CABYR: variants seen among roughly 807,000 people sequenced by gnomAD.
The protein encoded by CABYR is calcium-binding tyrosine phosphorylation-regulated protein.
CABYR carries 31 observed loss-of-function variants against 36.1 expected under a neutral mutation model. The ratio of observed to expected loss-of-function variants is 0.86; its 90% CI spans 0.64 to 1.16. CABYR has a LOEUF of 1.16. CABYR is among the 50% of genes most tolerant of loss of function. The pLI, the probability that CABYR is intolerant of heterozygous loss-of-function variation, is 0.00. For missense variants in CABYR, 429 were observed against 455.8 expected (o/e 0.94, Z 0.53); for synonymous variants, 146 against 160.7 (o/e 0.91, Z 0.69).
intron 4 of CABYR, among the ~76,000 whole-genome samples, chr18:24,159,052 T>C (rs952288906): frequency 6.6e-6 from 1 of 152,234 alleles, no homozygotes; most frequent in Non-Finnish European, 1.5e-5. Flanking sequence ...TAGTGCTAAC[T>C]TCTTTAGGAA....
intron 1 of CABYR, among the ~76,000 whole-genome samples, 200 bp downstream of exon 1, chr18:24,139,318 G>A (rs1481106364): frequency 6.6e-6 from 1 of 152,174 alleles, no homozygotes; most frequent in Non-Finnish European, 1.5e-5. Context: ...GGCCTCGGTG[G>A]GTCCGTCGCC....
rs763913344 is a variant in CABYR at position 24,143,093 on chromosome 18, G to C, written c.-22G>C. ...CTAAGACTTTTTCTTCATTCTAGTT[G>C]AGTTACAGACATCCTGCCAAAATGA... On this transcript the variant is annotated splice_region_variant and 5_prime_UTR_variant, in exon 2 of 6. Coordinates refer to ENST00000399496, the MANE Select transcript of CABYR (RefSeq NM_153769.3). 2 of 1,533,020 alleles carry C rather than the reference G, an allele frequency of 1.3e-6. No homozygotes were observed. The highest frequency in any genetic ancestry group is 2.5e-5 in the South Asian group (2 of 81,074). The allele number at this position is 1,533,020 out of a possible 1,614,324, so 95.0% of individuals were successfully genotyped here. A position where few individuals can be genotyped will look rare whatever the true frequency, so the allele number is the denominator to read the frequency against.
In CABYR at chr18:24,161,536, G is replaced by A. The variant is rs2085989623; in HGVS notation, c.*20G>A. 2.6e-6 allele frequency: 2 copies of A among 780,462 alleles called. No homozygotes were observed. Among genetic ancestry groups the A allele is most frequent in the Non-Finnish European group, 4.8e-6 (2 of 417,916 alleles). 48.3% of individuals were successfully genotyped at this position (780,462 alleles called of 1,614,324 possible). A position where few individuals can be genotyped will look rare whatever the true frequency, so the allele number is the denominator to read the frequency against. ...AACAGATCCAGAAATGACGCTGTCTGGGTCAACATTTCAGGGAGGAGTCTG... is the reference window on the plus strand; with the variant it reads ...AACAGATCCAGAAATGACGCTGTCTAGGTCAACATTTCAGGGAGGAGTCTG... On this transcript the variant is annotated 3_prime_UTR_variant, in exon 6 of 6. Transcript: ENST00000399496.
intron 3 of CABYR, among the ~76,000 whole-genome samples, chr18:24,150,783 GT>G (rs10715707): frequency 0.66 from 74,182 of 112,560 alleles, 20,588 homozygotes; most frequent in Non-Finnish European, 0.69. Context: ...TTTGTTTTTT[GT>G]TTTTTTTTTT....
chr18:24,141,968 T>C lies in CABYR; in HGVS notation c.-24-1123T>C, dbSNP rs541176192. ...CTGATTAATGTTAAAAACAAAGTTA[T>C]TCCTGCAGGTACAAAGCAGGCTGAA... On this transcript the variant is annotated intron_variant, in intron 1 of 5. Coordinates refer to ENST00000399496, the MANE Select transcript of CABYR (RefSeq NM_153769.3). Among the ~76,000 whole-genome samples, 13 of 152,292 alleles carry C rather than the reference T, an allele frequency of 8.5e-5. No individual in the cohort carries two copies. The South Asian group carries it at 1.2e-3, about 15-fold the overall frequency.
At chr18:24,146,466 T>C (rs2085461044) in intron 3 of CABYR, among the ~76,000 whole-genome samples, 2 of 151,982 alleles carry the variant, frequency 1.3e-5, no homozygotes, top group African/African-American at 4.8e-5. Context: ...CGAGAACCGC[T>C]TGAACCTGGG....
At chr18:24,145,166 A>T (rs1394812524) in intron 3 of CABYR, among the ~76,000 whole-genome samples, 1 of 152,228 alleles carries the variant, frequency 6.6e-6, no homozygotes, top group Non-Finnish European at 1.5e-5. Flanking sequence ...ATATCCTTGA[A>T]GTCCAATCCA....
chr18:24,144,995 A>G (rs888311164), intron 3 of CABYR, among the ~76,000 whole-genome samples: 1 of 152,228 alleles, frequency 6.6e-6, no homozygotes, highest in African/African-American at 2.4e-5. Context: ...CTACCTTTGT[A>G]ATCATTGCAA....
chr18:24,142,295 G>C (rs2085343645), intron 1 of CABYR, among the ~76,000 whole-genome samples: 1 of 152,188 alleles, frequency 6.6e-6, no homozygotes, highest in African/African-American at 2.4e-5. Context: ...CTCCAGCCTG[G>C]GTGGCAGAGC....
rs2085896007 is a variant in CABYR at position 24,159,706 on chromosome 18, C to G, written c.776C>G (p.Pro259Arg). 1.2e-6 allele frequency: 2 copies of G among 1,613,996 alleles called. No homozygotes were observed. Among genetic ancestry groups the G allele is most frequent in the East Asian group, 2.2e-5 (1 of 44,872 alleles). Residue 259 changes from proline to arginine, a missense_variant, in exon 5 of 6, where the codon CCT becomes CGT. Transcript: ENST00000399496. ...GACACCAAGAAGACCAGTGCCCCAC[C>G]TTTTATCTTAGTAGGCTCAAATGTT... ...MGDTKKTSAP[P>R]FILVGSNVQE...
chr18:24,143,481 T>C, intron 3 of CABYR, 68 bp downstream of exon 3: 1 of 816,880 alleles, frequency 1.2e-6, no homozygotes, highest in Non-Finnish European at 1.8e-6. Context: ...GACTAGCATA[T>C]ATTCAAACTT....
chr18:24,159,900 C>A lies in CABYR; in HGVS notation c.970C>A (p.Pro324Thr). The change falls in exon 5 of 6, where the codon CCC becomes ACC. Residue 324 changes from proline to threonine, a missense_variant. Transcript: ENST00000399496. ...NANPPSGQDV[P>T]RPKSPVFLSV... ...TAATCCTCCAAGTGGACAAGATGTC[C>A]CCAGGCCAAAAAGCCCTGTTTTCCT... 1.2e-6 allele frequency: 2 copies of A among 1,614,102 alleles called. No individual in the cohort carries two copies. Among genetic ancestry groups the A allele is most frequent in the Non-Finnish European group, 1.7e-6 (2 of 1,180,028 alleles).
intron 3 of CABYR, among the ~76,000 whole-genome samples, chr18:24,146,558 G>A (rs1359995485): frequency 1.3e-5 from 2 of 148,950 alleles, no homozygotes; most frequent in Non-Finnish European, 1.5e-5. Context: ...AAAAAAAAAA[G>A]GTCTATGTCA....
intron 4 of CABYR, chr18:24,156,963 G>T: frequency 6.2e-7 from 1 of 1,610,078 alleles, no homozygotes; most frequent in Non-Finnish European, 8.5e-7. Flanking sequence ...TGAACCAGAA[G>T]GGGAATCAAC....
In CABYR at chr18:24,149,020, A is replaced by C. The variant is rs571552175; in HGVS notation, c.199+5607A>C. ...ATCCTGCTGATTGGTAGAGCGGAGT[A>C]GTCTGTTTTGACAGGGTGCTGATTG... On this transcript the variant is annotated intron_variant, in intron 3 of 5. Coordinates refer to ENST00000399496, the MANE Select transcript of CABYR (RefSeq NM_153769.3). Among the ~76,000 whole-genome samples the C allele has an allele frequency of 2.6e-5, 4 of 152,268 alleles. No individual in the cohort carries two copies. In the East Asian group the frequency reaches 5.8e-4, roughly 22 times the overall value.
At chr18:24,153,234 C>T (rs2085684495) in intron 3 of CABYR, among the ~76,000 whole-genome samples, 2 of 151,688 alleles carry the variant, frequency 1.3e-5, no homozygotes, top group African/African-American at 4.8e-5. Flanking sequence ...TGGACTTGTG[C>T]ACCTGGGCTT....
chr18:24,155,917 G>T lies in CABYR; in HGVS notation c.416G>T (p.Gly139Val), dbSNP rs1461553093. 2.5e-6 allele frequency: 4 copies of T among 1,614,186 alleles called. No homozygotes were observed. Among genetic ancestry groups the T allele is most frequent in the Admixed American group, 1.7e-5 (1 of 60,018 alleles). Reference sequence around the variant, plus strand: ...ACTGAGCAAACGGAAGCAGTTGGTGGTCTTTCTTCCAAACCAGCCACCCCT... The same window carrying T: ...ACTGAGCAAACGGAAGCAGTTGGTGTTCTTTCTTCCAAACCAGCCACCCCT... ...PGTEQTEAVGGLSSKPATPKT... is the reference protein window; with the variant it reads ...PGTEQTEAVGVLSSKPATPKT... The change falls in exon 4 of 6, where the codon GGT becomes GTT. Residue 139 changes from glycine (G) to valine (V), a missense_variant. Coordinates refer to ENST00000399496, the MANE Select transcript of CABYR (RefSeq NM_153769.3).
At chr18:24,159,271 CACA>C (rs1456888409) in intron 4 of CABYR, among the ~76,000 whole-genome samples, 198 bp from the exon 5 acceptor site, 4 of 152,152 alleles carry the variant, frequency 2.6e-5, no homozygotes, top group African/African-American at 9.7e-5. Flanking sequence ...CACTTGCCAC[CACA>C]ACACTGTTCT....
chr18:24,156,665 T>TGACA, intron 4 of CABYR: 1 of 1,614,194 alleles, frequency 6.2e-7, no homozygotes, highest in South Asian at 1.1e-5. Flanking sequence ...CTCTGCTCTC[T>TGACA]GACACATCTT....
Sources: gnomAD v4.1 joint callset for allele counts (sites outside exome capture counted in the v4.1 genomes callset) on GRCh38, gnomAD v4.1.1 for gene constraint, MANE v1.5 for transcripts, NCBI Gene and HGNC (gene_info 2026-07-23, HGNC 2026-07-21) for gene names.